The following ALDH1A1 variants were observed in gnomAD, a reference collection of about 807,000 sequenced individuals.
The protein encoded by ALDH1A1 is aldehyde dehydrogenase 1 family member A1.
In ALDH1A1, 19 loss-of-function variants were observed where a neutral mutation model predicts 62.1. The ratio of observed to expected loss-of-function variants is 0.31; its 90% confidence interval spans 0.21 to 0.45. The LOEUF is 0.45. Ranked by LOEUF, ALDH1A1 falls within the 20% of genes least tolerant of loss-of-function variation. The pLI is 1.00. For synonymous variants in ALDH1A1, 231 were observed against 215.9 expected (o/e 1.07, Z -0.61); for missense variants, 521 against 607.1 (o/e 0.86, Z 1.49).
intron 1 of ALDH1A1, among the ~76,000 whole-genome samples, chr9:72,944,767 T>C (rs1262244939): frequency 1.3e-5 from 2 of 152,132 alleles, no homozygotes; most frequent in Non-Finnish European, 2.9e-5. Context: ...TATGTAACCA[T>C]TATATATTAA....
chr9:72,909,560 T>C, intron 11 of ALDH1A1, 42 bp downstream of exon 11: 2 of 1,543,632 alleles, frequency 1.3e-6, no homozygotes, highest in Non-Finnish European at 1.7e-6. Flanking sequence ...TCTGTTAATG[T>C]GGTTATTACT....
chr9:72,905,771 C>G (rs1187239004), intron 12 of ALDH1A1, among the ~76,000 whole-genome samples, 187 bp downstream of exon 12: 1 of 152,078 alleles, frequency 6.6e-6, no homozygotes, highest in African/African-American at 2.4e-5. Context: ...AATTATGTTG[C>G]TGTTCTGCAA....
rs774675922 is a variant in ALDH1A1, at chr9:72,925,491, A to G, written c.626T>C (p.Ile209Thr). The part of the protein sequence containing the change: ...PLTALHVASL[I>T]KEAGFPPGVV... ...TGATTTCGGGAGACTTACCTCTTTT[A>G]TTAAAGATGCCACGTGGAGAGCAGT... The change falls in exon 6 of 13, where the codon ATA (isoleucine) becomes ACA (threonine). Residue 209 changes from isoleucine to threonine, a missense_variant. Transcript: ENST00000297785. 1.9e-6 allele frequency: 3 copies of G among 1,612,454 alleles called. No homozygotes were observed. Among genetic ancestry groups the G allele is most frequent in the Non-Finnish European group, 2.5e-6 (3 of 1,179,532 alleles).
intron 7 of ALDH1A1, among the ~76,000 whole-genome samples, chr9:72,921,986 A>G (rs1406420377): frequency 6.6e-6 from 1 of 152,098 alleles, no homozygotes; most frequent in African/African-American, 2.4e-5. Context: ...AGGATGAACT[A>G]AAAGCCTGGG....
intron 11 of ALDH1A1, among the ~76,000 whole-genome samples, chr9:72,908,577 AAGAAAGAAAGAAAG>A (rs1829926687): frequency 8.1e-6 from 1 of 124,036 alleles, no homozygotes; most frequent in Non-Finnish European, 1.7e-5. Context: ...GAAAGAAAGA[AAGAAAGAAAGAAAG>A]AAAGAAAGAA....
chr9:72,904,808 A>G (rs182120048), intron 12 of ALDH1A1, among the ~76,000 whole-genome samples: 105 of 152,186 alleles, frequency 6.9e-4, no homozygotes, highest in African/African-American at 2.3e-3. Flanking sequence ...CCTCCATAGG[A>G]TATGGAATCC....
chr9:72,941,089 T>G (rs1830408749), intron 1 of ALDH1A1, among the ~76,000 whole-genome samples: 1 of 152,210 alleles, frequency 6.6e-6, no homozygotes, highest in Admixed American at 6.5e-5. Flanking sequence ...TCTTGGATAG[T>G]ATATAACTTT....
intron 12 of ALDH1A1, among the ~76,000 whole-genome samples, chr9:72,903,012 C>T (rs538088790): frequency 6.6e-6 from 1 of 151,278 alleles, no homozygotes; most frequent in South Asian, 2.1e-4. Flanking sequence ...GATTTCCTCT[C>T]TGTACCCAGG....
intron 4 of ALDH1A1, among the ~76,000 whole-genome samples, chr9:72,928,122 A>G (rs1451979271): frequency 8.3e-6 from 1 of 119,972 alleles, no homozygotes; most frequent in African/African-American, 2.7e-5. Flanking sequence ...ATCACTTCTG[A>G]CCTCCTGCAT....
chr9:72,909,666 C>G lies in ALDH1A1; in HGVS notation c.1294G>C (p.Val432Leu), dbSNP rs569483838. 6 of 1,613,852 alleles carry G rather than the reference C, an allele frequency of 3.7e-6. No individual in the cohort carries two copies. Among genetic ancestry groups the G allele is most frequent in the Non-Finnish European group, 5.1e-6 (6 of 1,179,902 alleles). The change falls in exon 11 of 13, where the codon GTG (valine) becomes CTG (leucine). Residue 432 changes from valine (V) to leucine (L), a missense_variant. Transcript: ENST00000297785. ...GCTTTATCAATGTCTTTGGTAAACA[C>G]TCCTGCTGATAAGCCATAGAAAGTA... Reference protein sequence around the residue: ...NNTFYGLSAGVFTKDIDKAIT... With the variant: ...NNTFYGLSAGLFTKDIDKAIT...
chr9:72,914,148 G>A (rs1011333519), intron 9 of ALDH1A1, among the ~76,000 whole-genome samples: 3 of 152,154 alleles, frequency 2.0e-5, no homozygotes, highest in East Asian at 1.9e-4. Flanking sequence ...ACATTTTAAG[G>A]TGTTTGAATG....
intron 1 of ALDH1A1, among the ~76,000 whole-genome samples, chr9:72,951,847 C>T (rs1005381227): frequency 1.3e-5 from 2 of 151,912 alleles, no homozygotes; most frequent in African/African-American, 4.8e-5. Flanking sequence ...GTTAAAGGCA[C>T]AATCTGATCT....
intron 3 of ALDH1A1, among the ~76,000 whole-genome samples, chr9:72,929,845 C>A (rs1428697429): frequency 6.6e-6 from 1 of 152,174 alleles, no homozygotes; most frequent in Non-Finnish European, 1.5e-5. Flanking sequence ...TCTATAGGAT[C>A]TTATGCTGAC....
intron 1 of ALDH1A1, among the ~76,000 whole-genome samples, chr9:72,950,283 A>C (rs764212434): frequency 6.6e-6 from 1 of 151,868 alleles, no homozygotes; most frequent in Non-Finnish European, 1.5e-5. Context: ...GAGAGAAGTA[A>C]TGTAGCTTGC....
intron 2 of ALDH1A1, among the ~76,000 whole-genome samples, chr9:72,932,665 G>A (rs4646541): frequency 3.3e-4 from 50 of 152,096 alleles, no homozygotes; most frequent in East Asian, 1.5e-3. Flanking sequence ...GCATATTTGC[G>A]GCATTCAGTT....
chr9:72,950,832 CA>C (rs1830536059), intron 1 of ALDH1A1, among the ~76,000 whole-genome samples: 1 of 147,066 alleles, frequency 6.8e-6, no homozygotes. Flanking sequence ...GGTTTGTAAC[CA>C]GGGAACTTTT....
chr9:72,951,560 A>C (rs1830544658), intron 1 of ALDH1A1, among the ~76,000 whole-genome samples: 1 of 151,864 alleles, frequency 6.6e-6, no homozygotes, highest in African/African-American at 2.4e-5. Context: ...AGCATTGTCG[A>C]CAATTTTGAG....
Position 72,908,486 on chromosome 9 carries a change from G to GAGAA in ALDH1A1, c.1358+1112_1358+1115dup, listed in dbSNP as rs1236501505. Among the ~76,000 whole-genome samples the GAGAA allele has an allele frequency of 4.8e-5, 5 of 103,196 alleles. 1 individual carries two copies. The highest frequency in any genetic ancestry group is 1.9e-4 in the African/African-American group (5 of 26,498). The allele number at this position is 103,196 out of a possible 152,430, so 67.7% of individuals were successfully genotyped here. A position where few individuals can be genotyped will look rare whatever the true frequency, so the allele number is the denominator to read the frequency against. ...GAAGAAAGAAAAGAAAAGAGAGAAA[G>GAGAA]AGAAAGAGAGAGAGAGAGACGAAAG... On this transcript the variant is annotated intron_variant, in intron 11 of 12. Coordinates refer to ENST00000297785, the MANE Select transcript of ALDH1A1 (RefSeq NM_000689.5).
chr9:72,948,031 T>C (rs761219221), intron 1 of ALDH1A1, among the ~76,000 whole-genome samples: 13 of 151,942 alleles, frequency 8.6e-5, no homozygotes, highest in Non-Finnish European at 1.6e-4. Context: ...ATTCCACAAA[T>C]TACCTCACTT....
Sources: allele counts gnomAD v4.1 joint callset (sites outside exome capture counted in the v4.1 genomes callset), GRCh38; gene constraint gnomAD v4.1.1; transcripts MANE v1.5; gene names NCBI Gene and HGNC (gene_info 2026-07-23, HGNC 2026-07-21).